Variants in CORO2B observed in about 807,000 individuals in gnomAD.
The protein encoded by CORO2B is coronin 2B, also known as coronin-2B.
In CORO2B, 26 loss-of-function variants were observed where a neutral mutation model predicts 58.8. The ratio of observed to expected loss-of-function variants is 0.44; its 90% CI spans 0.32 to 0.61. The LOEUF is 0.61. CORO2B is among the 20% of genes least tolerant of loss of function. CORO2B has a pLI of 0.04. For missense variants in CORO2B, 460 were observed against 645.1 expected (o/e 0.71, Z 3.11); for synonymous variants, 242 against 253.8 (o/e 0.95, Z 0.44).
intron 1 of CORO2B, among the ~76,000 whole-genome samples, chr15:68,580,142 G>A (rs1595949284): frequency 6.6e-6 from 1 of 152,236 alleles, no homozygotes; most frequent in Non-Finnish European, 1.5e-5. Context: ...TGCTGTGAGG[G>A]TGATAATATG....
chr15:68,645,322 G>T lies in CORO2B; in HGVS notation c.178G>T (p.Ala60Ser). Residue 60 changes from alanine (A) to serine (S), a missense_variant, in exon 2 of 12, where the codon GCA (alanine) becomes TCA (serine). Ala to Ser is a moderately conservative substitution (Grantham distance 99). Transcript: ENST00000261861. This position sits in a 1 kb window ranked among gnomAD's most constrained non-coding sequence, Gnocchi z 4.5. The stretch of plus-strand genomic sequence containing the variant: ...CTTCCTGGCCATCGTCACCGAGAGC[G>T]CAGGGGGCGGCTCCTTCCTCGTCAT... ...TRFLAIVTES[A>S]GGGSFLVIPL... 6.2e-7 allele frequency: 1 copy of T among 1,612,784 alleles called. No homozygotes were observed. Among genetic ancestry groups the T allele is most frequent in the Non-Finnish European group, 8.5e-7 (1 of 1,180,016 alleles).
intron 1 of CORO2B, among the ~76,000 whole-genome samples, chr15:68,606,984 G>A (rs1900140256): frequency 6.6e-6 from 1 of 152,164 alleles, no homozygotes; most frequent in Admixed American, 6.5e-5. Context: ...CAAAGCTGGA[G>A]GGCACTACAA....
At chr15:68,543,643 G>A in the CORO2B span, among the ~76,000 whole-genome samples, 1 of 152,208 alleles carries the variant, frequency 6.6e-6, no homozygotes, top group African/African-American at 2.4e-5. Context: ...AGACCCTCCT[G>A]CTTGCCTCCA....
Position 68,624,388 on chromosome 15 carries a change from C to T in CORO2B, c.16-20772C>T, listed in dbSNP as rs78058323. ...GAGACCATGTCTCTAAAACCAATGA[C>T]AACAACAAAAATGATATTAGAATCA... On this transcript the variant is annotated intron_variant, in intron 1 of 11. Coordinates refer to ENST00000261861, the MANE Select transcript of CORO2B (RefSeq NM_006091.5). 4.4e-4 allele frequency among the ~76,000 whole-genome samples: 67 copies of T among 152,198 alleles called. 1 individual carries two copies. In the East Asian group the frequency reaches 0.012, roughly 28 times the overall value.
At chr15:68,671,534 G>T (rs1182305783) in intron 2 of CORO2B, among the ~76,000 whole-genome samples, 2 of 152,224 alleles carry the variant, frequency 1.3e-5, no homozygotes, top group African/African-American at 2.4e-5. Context: ...CCAAAATGTG[G>T]CTGGGTAGTT....
intron 1 of CORO2B, among the ~76,000 whole-genome samples, chr15:68,586,094 T>A (rs1899550132): frequency 6.6e-6 from 1 of 152,214 alleles, no homozygotes; most frequent in Non-Finnish European, 1.5e-5. Flanking sequence ...GTCATTTACT[T>A]GCTGTGTATT....
chr15:68,579,315 G>A, intron 1 of CORO2B, 38 bp downstream of exon 1: 1 of 1,278,664 alleles, frequency 7.8e-7, no homozygotes, highest in South Asian at 2.4e-5. Context: ...GGACCCGCCG[G>A]CGCCTGCATC....
At chr15:68,642,236 A>G in intron 1 of CORO2B, among the ~76,000 whole-genome samples, 1 of 152,088 alleles carries the variant, frequency 6.6e-6, no homozygotes, top group East Asian at 1.9e-4. Context: ...GAAGTGGCAC[A>G]GAGAGGTTAA....
upstream of CORO2B, chr15:68,578,974 C>G: frequency 1.0e-6 from 1 of 965,800 alleles, no homozygotes; most frequent in East Asian, 1.1e-4. The surrounding 1 kb of genome is among the most constrained non-coding windows in gnomAD (Gnocchi z 4.2). Context: ...CAGCCCGGGC[C>G]CTCTCCCTCT....
At chr15:68,697,227 T>C (rs1314667125) in intron 3 of CORO2B, among the ~76,000 whole-genome samples, 1 of 151,930 alleles carries the variant, frequency 6.6e-6, no homozygotes, top group Admixed American at 6.6e-5. Flanking sequence ...GATGGATGGA[T>C]GGATGGATGG....
In CORO2B at chr15:68,617,672, T is replaced by C. The variant is rs76949555; in HGVS notation, c.16-27488T>C. 1.9e-3 allele frequency among the ~76,000 whole-genome samples: 293 copies of C among 152,308 alleles called. 2 individuals carry two copies. Among genetic ancestry groups the C allele is most frequent in the Admixed American group, 7.8e-3 (119 of 15,294 alleles). Reference sequence around the variant, plus strand: ...TGTTCTCTCCCTTTTGGGTGGGCAATGCTGGCATCATCACTCTCATTTTAT... The same window carrying C: ...TGTTCTCTCCCTTTTGGGTGGGCAACGCTGGCATCATCACTCTCATTTTAT... On this transcript the variant is annotated intron_variant, in intron 1 of 11. Transcript: ENST00000261861.
At chr15:68,691,826 G>A (rs1357598670) in intron 2 of CORO2B, among the ~76,000 whole-genome samples, 1 of 152,034 alleles carries the variant, frequency 6.6e-6, no homozygotes, top group Non-Finnish European at 1.5e-5. Flanking sequence ...TATCGCCCGT[G>A]GGCTGCTGGC....
chr15:68,587,003 T>C (rs1313967380), intron 1 of CORO2B, among the ~76,000 whole-genome samples: 1 of 151,954 alleles, frequency 6.6e-6, no homozygotes, highest in Non-Finnish European at 1.5e-5. Flanking sequence ...TCTTATTATC[T>C]ATATTGGGCC....
the CORO2B span, among the ~76,000 whole-genome samples, chr15:68,535,003 C>T: frequency 4.6e-5 from 7 of 152,240 alleles, no homozygotes; most frequent in South Asian, 1.2e-3. Flanking sequence ...AGTTATCTCC[C>T]ACTGGGTCCC....
chr15:68,521,083 T>C, the CORO2B span, among the ~76,000 whole-genome samples: 1 of 152,228 alleles, frequency 6.6e-6, no homozygotes, highest in African/African-American at 2.4e-5. Flanking sequence ...AAATGAAGTA[T>C]TTAATTCATT....
In CORO2B at chr15:68,712,798, G is replaced by A. The variant is rs1447613778; in HGVS notation, c.648+1092G>A. On this transcript the variant is annotated intron_variant, in intron 5 of 11. Transcript: ENST00000261861. ...ATACGTGAGAACACTTAACCTTAGC[G>A]AAGTTGGGAGACTCGAATCTCACAG... Among the ~76,000 whole-genome samples the A allele has an allele frequency of 2.6e-5, 4 of 152,062 alleles. No individual in the cohort carries two copies. The South Asian group carries it at 6.2e-4, about 24-fold the overall frequency.
chr15:68,693,195 T>G (rs1038160667), intron 2 of CORO2B, among the ~76,000 whole-genome samples: 1 of 152,186 alleles, frequency 6.6e-6, no homozygotes, highest in Non-Finnish European at 1.5e-5. Flanking sequence ...CCAGTCCTGT[T>G]TTTTCCTCTA....
At chr15:68,632,374 G>C (rs1900865740) in intron 1 of CORO2B, 5 of 985,312 alleles carry the variant, frequency 5.1e-6, no homozygotes, top group Non-Finnish European at 6.0e-6. Flanking sequence ...ATTCAGCTCG[G>C]TCCAGTAGAG....
intron 2 of CORO2B, among the ~76,000 whole-genome samples, chr15:68,654,009 A>G (rs145039217): frequency 1.3e-5 from 2 of 152,160 alleles, no homozygotes; most frequent in East Asian, 1.9e-4. Flanking sequence ...GCTTGGTGCA[A>G]TTTGCATCTC....
Sources: allele counts gnomAD v4.1 joint callset (sites outside exome capture counted in the v4.1 genomes callset), GRCh38; gene constraint gnomAD v4.1.1; non-coding constraint Gnocchi (gnomAD v3.1); transcripts MANE v1.5; gene names NCBI Gene and HGNC (gene_info 2026-07-23, HGNC 2026-07-21).